CPNE8: variants seen among roughly 807,000 people sequenced by gnomAD.
CPNE8 encodes copine-8.
Under a neutral mutation model 81.5 loss-of-function variants are expected in CPNE8, and 45 were observed. The ratio of observed to expected loss-of-function variants is 0.55; its 90% confidence interval spans 0.44 to 0.71. The LOEUF (loss-of-function observed/expected upper bound fraction) is 0.71. Ranked by LOEUF, CPNE8 falls within the 30% of genes least tolerant of loss-of-function variation. CPNE8 has a pLI of 0.00. For synonymous variants in CPNE8, 252 were observed against 226.3 expected (o/e 1.11, Z -1.02); for missense variants, 594 against 672.1 (o/e 0.88, Z 1.28).
chr12:38,862,711 G>A (rs1421746117), intron 3 of CPNE8, among the ~76,000 whole-genome samples: 1 of 152,198 alleles, frequency 6.6e-6, no homozygotes, highest in Non-Finnish European at 1.5e-5. Flanking sequence ...CACTTTGGGA[G>A]GCCGAGGCAG....
chr12:38,903,340 T>C, intron 1 of CPNE8, among the ~76,000 whole-genome samples: 1 of 152,164 alleles, frequency 6.6e-6, no homozygotes, highest in East Asian at 1.9e-4. Context: ...TTTTTTTTCC[T>C]GTTAGAAATC....
At chr12:38,746,630 T>C (rs1454295910) in intron 10 of CPNE8, among the ~76,000 whole-genome samples, 5 of 152,324 alleles carry the variant, frequency 3.3e-5, no homozygotes. Context: ...TAAGAAATCA[T>C]TCATAAATGT....
intron 6 of CPNE8, among the ~76,000 whole-genome samples, chr12:38,814,654 A>G (rs1173499719): frequency 6.6e-6 from 1 of 152,156 alleles, no homozygotes; most frequent in Non-Finnish European, 1.5e-5. Flanking sequence ...TTGCTGAACA[A>G]TGGAATTTTA....
chr12:38,794,710 C>T (rs1270595526), intron 6 of CPNE8, among the ~76,000 whole-genome samples: 2 of 150,642 alleles, frequency 1.3e-5, no homozygotes, highest in South Asian at 2.1e-4. Flanking sequence ...AACCCTTGTG[C>T]ACTATTGGTG....
intron 11 of CPNE8, chr12:38,726,332 C>T (rs1377147460): frequency 2.0e-5 from 3 of 150,894 alleles, no homozygotes; most frequent in Non-Finnish European, 2.9e-5. Flanking sequence ...AGTAGAAAAT[C>T]TAAAGGAGAA....
At chr12:38,795,390 T>C (rs1942435626) in intron 6 of CPNE8, among the ~76,000 whole-genome samples, 1 of 152,174 alleles carries the variant, frequency 6.6e-6, no homozygotes, top group South Asian at 2.1e-4. Flanking sequence ...TTCAAAATAA[T>C]TGAAAGCAGG....
At chr12:38,788,307 C>CA (rs1221487979) in intron 6 of CPNE8, among the ~76,000 whole-genome samples, 1 of 151,788 alleles carries the variant, frequency 6.6e-6, no homozygotes, top group Non-Finnish European at 1.5e-5. Context: ...GATGGTTCGA[C>CA]ATATGCAAAA....
intron 16 of CPNE8, among the ~76,000 whole-genome samples, chr12:38,682,232 G>T (rs1009378039): frequency 2.0e-5 from 3 of 151,372 alleles, no homozygotes; most frequent in African/African-American, 7.3e-5. Flanking sequence ...AACCAAAAAG[G>T]TTCTTTAGTT....
At chr12:38,785,499 C>T (rs1381419103) in intron 6 of CPNE8, among the ~76,000 whole-genome samples, 1 of 152,046 alleles carries the variant, frequency 6.6e-6, no homozygotes, top group Non-Finnish European at 1.5e-5. Context: ...CCAGGCTGTT[C>T]TTGTGATAGT....
intron 14 of CPNE8, among the ~76,000 whole-genome samples, chr12:38,698,420 C>T (rs1321422335): frequency 6.6e-6 from 1 of 152,068 alleles, no homozygotes; most frequent in Non-Finnish European, 1.5e-5. Context: ...GTTCATTTTA[C>T]CTATTTTGTT....
chr12:38,780,730 T>C (rs146565368), intron 6 of CPNE8, among the ~76,000 whole-genome samples: 116 of 152,150 alleles, frequency 7.6e-4, no homozygotes, highest in Non-Finnish European at 1.3e-3. Flanking sequence ...AAAATAATTA[T>C]AAATATAAGA....
Position 38,839,924 on chromosome 12 carries a change from A to G in CPNE8, c.322T>C (p.Ser108Pro). The G allele has an allele frequency of 6.3e-7, 1 of 1,579,534 alleles. No homozygotes were observed. Among genetic ancestry groups the G allele is most frequent in the Non-Finnish European group, 8.6e-7 (1 of 1,156,268 alleles). The change falls in exon 5 of 20, where the codon TCC becomes CCC. Residue 108 changes from serine (S) to proline (P), a missense_variant. Ser to Pro is a moderately conservative substitution (Grantham distance 74, BLOSUM62 -1). Transcript: ENST00000331366. ...YDVDSKSPNL[S>P]KHDFLGQVFC... ...TAAAAATATGAACTTACATGTTTGG[A>G]TAAGTTGGGGCTCTTTGAATCAACA...
chr12:38,771,210 G>C (rs919975711), intron 7 of CPNE8, among the ~76,000 whole-genome samples: 14 of 151,886 alleles, frequency 9.2e-5, no homozygotes, highest in African/African-American at 3.4e-4. Context: ...TGTAACCCCA[G>C]CGCTTTGGGA....
In CPNE8 at chr12:38,653,621, A is replaced by AAAAAAAAAAAAAG. The variant is rs1286229803; in HGVS notation, c.*260_*261insCTTTTTTTTTTTT. Reference sequence around the variant, plus strand: ...TTGGAAATTAGCTGTTTCTGTTAAAAAAAAAAAGAAAGAAAGATTTAGAGA... The same window carrying AAAAAAAAAAAAAG: ...TTGGAAATTAGCTGTTTCTGTTAAAAAAAAAAAAAAAAGAAAAAAAGAAAGAAAGATTTAGAGA... On this transcript the variant is annotated 3_prime_UTR_variant, in exon 20 of 20. Transcript: ENST00000331366. The AAAAAAAAAAAAAG allele has an allele frequency of 4.0e-4, 108 of 270,612 alleles. 1 individual carries two copies. Among genetic ancestry groups the AAAAAAAAAAAAAG allele is most frequent in the African/African-American group, 2.5e-3 (105 of 42,108 alleles). The allele number at this position is 270,612 out of a possible 1,614,324, so 16.8% of individuals were successfully genotyped here.
intron 14 of CPNE8, among the ~76,000 whole-genome samples, chr12:38,696,096 A>G (rs917551997): frequency 1.3e-5 from 2 of 152,236 alleles, no homozygotes; most frequent in African/African-American, 4.8e-5. Flanking sequence ...ACCCCAGAAC[A>G]TTTAAACATT....
intron 5 of CPNE8, among the ~76,000 whole-genome samples, chr12:38,830,562 G>T (rs1034001371): frequency 2.0e-5 from 3 of 152,168 alleles, no homozygotes; most frequent in East Asian, 1.9e-4. Context: ...TCAAAGAATT[G>T]CCCTGTTCTA....
At chr12:38,888,115 A>T (rs1192493750) in intron 1 of CPNE8, among the ~76,000 whole-genome samples, 1 of 152,178 alleles carries the variant, frequency 6.6e-6, no homozygotes, top group African/African-American at 2.4e-5. Flanking sequence ...ACATCACTCT[A>T]CCCAACATCA....
At chr12:38,880,627 GTA>G (rs1183890363) in intron 1 of CPNE8, among the ~76,000 whole-genome samples, 1 of 152,018 alleles carries the variant, frequency 6.6e-6, no homozygotes, top group Non-Finnish European at 1.5e-5. Context: ...TTATTTGTAT[GTA>G]TATATATTTT....
intron 16 of CPNE8, among the ~76,000 whole-genome samples, chr12:38,681,581 A>G (rs1378468199): frequency 1.3e-5 from 2 of 152,150 alleles, no homozygotes; most frequent in African/African-American, 2.4e-5. Context: ...AGATATGGTT[A>G]ACACCTACCA....
Sources: gnomAD v4.1 joint callset for allele counts (sites outside exome capture counted in the v4.1 genomes callset) on GRCh38, gnomAD v4.1.1 for gene constraint, MANE v1.5 for transcripts, NCBI Gene and HGNC (gene_info 2026-07-23, HGNC 2026-07-21) for gene names.